The following OR14I1 variants were observed in gnomAD, a reference collection of about 807,000 sequenced individuals.
OR14I1 encodes olfactory receptor 14I1.
For synonymous variants in OR14I1, 118 were observed against 71.1 expected, an observed-to-expected ratio of 1.66 and a Z score of -3.32; for missense variants, 279 against 181.8, an observed-to-expected ratio of 1.53 and a Z score of -3.07.
At chr1:248,681,547 C>T (rs1028978016) in exon 1 of OR14I1, 11 of 780,758 alleles carry the variant, frequency 1.4e-5, no homozygotes, top group Admixed American at 1.2e-4. Flanking sequence ...AGCAAAGAGC[C>T]CTGTGGTAAG....
the OR14I1 span, among the ~76,000 whole-genome samples, chr1:248,698,159 A>G: frequency 1.3e-5 from 2 of 152,190 alleles, no homozygotes; most frequent in Admixed American, 1.3e-4. Context: ...AAGGCTAACC[A>G]TGTTGGTTGG....
At chr1:248,683,767 C>A (rs138820170), upstream of OR14I1, among the ~76,000 whole-genome samples, 784 of 152,350 alleles carry the variant, frequency 5.1e-3, 9 homozygotes, top group African/African-American at 0.017. Context: ...AGCGCGGTGG[C>A]GAACTCCTGT....
chr1:248,701,988 C>T, the OR14I1 span, among the ~76,000 whole-genome samples: 1 of 152,132 alleles, frequency 6.6e-6, no homozygotes, highest in African/African-American at 2.4e-5. Context: ...GAAGGGGAAG[C>T]AGGCATGTCT....
At chr1:248,700,211 C>T in the OR14I1 span, among the ~76,000 whole-genome samples, 1 of 152,204 alleles carries the variant, frequency 6.6e-6, no homozygotes, top group Non-Finnish European at 1.5e-5. Flanking sequence ...AAATGCTCCC[C>T]AACCAGGGTG....
chr1:248,682,084 A>C (rs1427973778), exon 1 of OR14I1: 1 of 780,994 alleles, frequency 1.3e-6, no homozygotes, highest in Non-Finnish European at 2.4e-6. Context: ...AGGCACAGTG[A>C]CTGAGATGTA....
At chr1:248,696,477 C>T in the OR14I1 span, among the ~76,000 whole-genome samples, 1 of 152,128 alleles carries the variant, frequency 6.6e-6, no homozygotes. Flanking sequence ...GGGAATCAGT[C>T]GACTTCTGTT....
At chr1:248,697,798 CAAAA>C in the OR14I1 span, among the ~76,000 whole-genome samples, 1 of 151,986 alleles carries the variant, frequency 6.6e-6, no homozygotes, top group African/African-American at 2.4e-5. Context: ...AAACAAAAAA[CAAAA>C]AACCACGGGG....
chr1:248,688,187 C>G, the OR14I1 span, among the ~76,000 whole-genome samples: 2 of 152,204 alleles, frequency 1.3e-5, no homozygotes, highest in African/African-American at 4.8e-5. Flanking sequence ...GCTTGGACTT[C>G]CAGCTTAAAT....
the OR14I1 span, among the ~76,000 whole-genome samples, chr1:248,700,321 C>T: frequency 6.6e-6 from 1 of 152,138 alleles, no homozygotes; most frequent in Non-Finnish European, 1.5e-5. Context: ...TAAAGCCAAC[C>T]AACTATAGCG....
chr1:248,692,362 A>G, the OR14I1 span: 17 of 151,864 alleles, frequency 1.1e-4, no homozygotes, highest in Non-Finnish European at 2.3e-4. Context: ...CCACATTTCC[A>G]CCCTCATTCC....
chr1:248,681,683 A>C (rs1198986470), exon 1 of OR14I1: 2 of 780,984 alleles, frequency 2.6e-6, no homozygotes, highest in Admixed American at 3.4e-5. Flanking sequence ...AGAATAAAGC[A>C]TCCCAGAACC....
the OR14I1 span, among the ~76,000 whole-genome samples, chr1:248,690,789 A>G: frequency 1.3e-5 from 2 of 151,970 alleles, no homozygotes; most frequent in South Asian, 4.1e-4. Flanking sequence ...AAAAAAAAAA[A>G]GAAAGAAAAT....
chr1:248,694,392 C>T, the OR14I1 span, among the ~76,000 whole-genome samples: 2 of 151,914 alleles, frequency 1.3e-5, no homozygotes, highest in East Asian at 1.9e-4. Context: ...ATTATCCTAC[C>T]CTCTTCAGCC....
At chr1:248,684,652 T>G (rs1661613717), upstream of OR14I1, among the ~76,000 whole-genome samples, 1 of 152,160 alleles carries the variant, frequency 6.6e-6, no homozygotes, top group African/African-American at 2.4e-5. Context: ...CATTTCAACA[T>G]AGTTTTGAAA....
the OR14I1 span, among the ~76,000 whole-genome samples, chr1:248,695,228 C>CTTTTTTT: frequency 7.2e-5 from 7 of 96,730 alleles, no homozygotes; most frequent in African/African-American, 1.8e-4. Context: ...TGAATGTATG[C>CTTTTTTT]TTTTTTTTTT....
chr1:248,686,443 A>C (rs1009430989), upstream of OR14I1, among the ~76,000 whole-genome samples: 7 of 152,184 alleles, frequency 4.6e-5, no homozygotes, highest in Admixed American at 3.3e-4. Flanking sequence ...TATATCAAGC[A>C]AAAGAGCAAC....
At chr1:248,696,859 A>G in the OR14I1 span, among the ~76,000 whole-genome samples, 3 of 152,080 alleles carry the variant, frequency 2.0e-5, no homozygotes, top group African/African-American at 7.2e-5. Flanking sequence ...TTTTATAGTA[A>G]CTCTAGTGTT....
chr1:248,689,334 G>A, the OR14I1 span, among the ~76,000 whole-genome samples: 1 of 152,100 alleles, frequency 6.6e-6, no homozygotes, highest in African/African-American at 2.4e-5. Context: ...AAGAGTTCTA[G>A]AGCCCTTGGA....
chr1:248,697,759 G>A, the OR14I1 span, among the ~76,000 whole-genome samples: 1 of 152,072 alleles, frequency 6.6e-6, no homozygotes, highest in South Asian at 2.1e-4. Flanking sequence ...CTCCAGCCTG[G>A]GCAACAAGAG....
Sources: gnomAD v4.1 joint callset for allele counts (sites outside exome capture counted in the v4.1 genomes callset) on GRCh38, gnomAD v4.1.1 for gene constraint, MANE v1.5 for transcripts, NCBI Gene and HGNC (gene_info 2026-07-23, HGNC 2026-07-21) for gene names.